PTPRD: variants seen among roughly 807,000 people sequenced by gnomAD.
PTPRD encodes protein tyrosine phosphatase receptor type D.
Under a neutral mutation model 214.5 loss-of-function variants are expected in PTPRD, and 34 were observed. The observed-to-expected ratio is 0.16, with a 90% confidence interval of 0.12 to 0.21. PTPRD has a LOEUF of 0.21. Ranked by LOEUF, PTPRD falls within the 10% of genes least tolerant of loss-of-function variation. The probability of loss-of-function intolerance (pLI) is 1.00; values close to 1 mark genes in which losing one functional copy is unlikely to be tolerated. For synonymous variants in PTPRD, 1,128 were observed against 845.7 expected, an observed-to-expected ratio of 1.33 and a Z score of -5.79; for missense variants, 2,545 against 2,398.7, an observed-to-expected ratio of 1.06 and a Z score of -1.27.
rs370819244 is a variant in PTPRD, at chr9:8,995,573, C to A, written c.-104+23124G>T. 1.2e-4 allele frequency among the ~76,000 whole-genome samples: 19 copies of A among 152,102 alleles called. No homozygotes were observed. The South Asian group carries it at 3.9e-3, about 32-fold the overall frequency. ...AGGATTTGACAACTCTCTCTACACC[C>A]TCTTGAATAAGCATTATTCAAGAGA... On this transcript the variant is annotated intron_variant, in intron 11 of 45. Transcript: ENST00000381196.
intron 6 of PTPRD, among the ~76,000 whole-genome samples, chr9:9,759,151 G>C (rs1019988248): frequency 6.6e-6 from 1 of 152,148 alleles, no homozygotes; most frequent in Non-Finnish European, 1.5e-5. Flanking sequence ...CAGGTCCCTA[G>C]CTCCTTTTTC....
Position 10,084,194 on chromosome 9 carries a change from G to T in PTPRD, c.-544-50404C>A, listed in dbSNP as rs1337869015. 3.3e-5 allele frequency among the ~76,000 whole-genome samples: 5 copies of T among 152,042 alleles called. No homozygotes were observed. The South Asian group carries it at 8.3e-4, about 25-fold the overall frequency. Reference sequence around the variant, plus strand: ...TAAGTGTTGTTTTGTTAGAAAAAATGATGAGTGATTATATGAGCTATAATA... The same window carrying T: ...TAAGTGTTGTTTTGTTAGAAAAAATTATGAGTGATTATATGAGCTATAATA... On this transcript the variant is annotated intron_variant, in intron 3 of 45. Transcript: ENST00000381196.
chr9:8,548,091 T>C (rs563356058), intron 14 of PTPRD, among the ~76,000 whole-genome samples: 9 of 152,272 alleles, frequency 5.9e-5, no homozygotes, highest in African/African-American at 2.2e-4. Flanking sequence ...AGAAGGTAGA[T>C]CTAAGAGCAT....
chr9:8,419,964 A>T (rs1002621938), intron 35 of PTPRD, among the ~76,000 whole-genome samples: 2 of 152,134 alleles, frequency 1.3e-5, no homozygotes, highest in South Asian at 2.1e-4. Flanking sequence ...CTAAGACACT[A>T]ACTGCCCTGA....
intron 3 of PTPRD, among the ~76,000 whole-genome samples, chr9:10,148,248 T>G (rs566536904): frequency 1.5e-4 from 23 of 152,350 alleles, no homozygotes; most frequent in African/African-American, 5.3e-4. Context: ...TCACAGATTG[T>G]GTATGTCTAT....
At chr9:9,312,404 T>C (rs1011930050) in intron 9 of PTPRD, among the ~76,000 whole-genome samples, 4 of 152,194 alleles carry the variant, frequency 2.6e-5, no homozygotes, top group African/African-American at 7.2e-5. Flanking sequence ...ACAGCATGTC[T>C]TTGAATAACA....
chr9:8,842,483 A>G (rs2097577847), intron 11 of PTPRD, among the ~76,000 whole-genome samples: 2 of 152,184 alleles, frequency 1.3e-5, no homozygotes, highest in Non-Finnish European at 2.9e-5. Flanking sequence ...CATTAGTAGA[A>G]CTACCTTTGG....
intron 11 of PTPRD, among the ~76,000 whole-genome samples, chr9:8,944,729 C>T (rs73425763): frequency 0.13 from 20,236 of 151,612 alleles, 1,833 homozygotes; most frequent in Non-Finnish European, 0.2. Flanking sequence ...GATAGGATGA[C>T]GGTTACCAGA....
intron 8 of PTPRD, among the ~76,000 whole-genome samples, chr9:9,467,807 C>T (rs899891541): frequency 8.6e-5 from 13 of 151,858 alleles, no homozygotes; most frequent in East Asian, 1.9e-4. Flanking sequence ...AATCAGTTTA[C>T]GTGGTTAATT....
At chr9:9,740,790 A>C (rs1399438741) in intron 6 of PTPRD, among the ~76,000 whole-genome samples, 1 of 152,220 alleles carries the variant, frequency 6.6e-6, no homozygotes, top group African/African-American at 2.4e-5. Context: ...GTTAAAGTAA[A>C]TTCTCGGGCT....
intron 11 of PTPRD, among the ~76,000 whole-genome samples, chr9:8,828,785 G>A (rs1423040894): frequency 6.6e-6 from 1 of 152,102 alleles, no homozygotes; most frequent in Non-Finnish European, 1.5e-5. Context: ...CTTTAACTTT[G>A]CAACAGAATA....
rs1425659780 is a variant in PTPRD at position 9,196,446 on chromosome 9, CTCT to C, written c.-202-13086_-202-13084del. Among the ~76,000 whole-genome samples the C allele has an allele frequency of 2.6e-5, 4 of 152,278 alleles. No individual in the cohort carries two copies. In the East Asian group the frequency reaches 7.7e-4, roughly 29 times the overall value. On this transcript the variant is annotated intron_variant, in intron 9 of 45. Transcript: ENST00000381196. Reference sequence around the variant, plus strand: ...CTTTTAATTTAATGGAGACACTCATCTCTTAAGGTACCAATGTTGTGTTCATAC... The same window carrying C: ...CTTTTAATTTAATGGAGACACTCATCTAAGGTACCAATGTTGTGTTCATAC...
rs140499740 is a variant in PTPRD at position 10,607,164 on chromosome 9, A to C, written c.-600+5234T>G. Reference sequence around the variant, plus strand: ...CATCTAATGTAAGTAAATGTATTTGAGAATATAGAGGTAAAATATTTTTGC... The same window carrying C: ...CATCTAATGTAAGTAAATGTATTTGCGAATATAGAGGTAAAATATTTTTGC... On this transcript the variant is annotated intron_variant, in intron 2 of 45. Transcript: ENST00000381196. Among the ~76,000 whole-genome samples, 48 of 152,042 alleles carry C rather than the reference A, an allele frequency of 3.2e-4. No individual in the cohort carries two copies. In the East Asian group the frequency reaches 5.6e-3, roughly 18 times the overall value.
intron 36 of PTPRD, among the ~76,000 whole-genome samples, chr9:8,402,961 T>C (rs1439947066): frequency 6.6e-6 from 1 of 152,070 alleles, no homozygotes; most frequent in Non-Finnish European, 1.5e-5. Context: ...CAAAGTAAAT[T>C]TATTATGAGA....
At chr9:10,561,707 G>A (rs2064019531) in intron 2 of PTPRD, among the ~76,000 whole-genome samples, 1 of 151,954 alleles carries the variant, frequency 6.6e-6, no homozygotes, top group African/African-American at 2.4e-5. Flanking sequence ...TCCTCAGAAG[G>A]TTTCACTTTT....
intron 11 of PTPRD, among the ~76,000 whole-genome samples, chr9:8,803,654 G>T (rs1469123034): frequency 6.6e-6 from 1 of 151,848 alleles, no homozygotes; most frequent in African/African-American, 2.4e-5. Flanking sequence ...AGTCTAAGAG[G>T]TGAAGCCTAC....
chr9:9,630,463 G>C (rs2154359081), intron 7 of PTPRD, among the ~76,000 whole-genome samples: 1 of 152,256 alleles, frequency 6.6e-6, no homozygotes, highest in African/African-American at 2.4e-5. Flanking sequence ...TACAGCACTA[G>C]CCTGAAGTGA....
At chr9:10,607,252 G>A (rs2079661391) in intron 2 of PTPRD, among the ~76,000 whole-genome samples, 1 of 151,578 alleles carries the variant, frequency 6.6e-6, no homozygotes, top group Non-Finnish European at 1.5e-5. Context: ...AAAATACATG[G>A]ACTCATTATT....
chr9:8,485,368 C>T, intron 28 of PTPRD, 44 bp from the exon 29 acceptor site: 1 of 1,388,154 alleles, frequency 7.2e-7, no homozygotes, highest in Non-Finnish European at 1.0e-6. Flanking sequence ...ATTCTTAAAA[C>T]AGATGACCTG....
Sources: gnomAD v4.1 joint callset for allele counts (sites outside exome capture counted in the v4.1 genomes callset) on GRCh38, gnomAD v4.1.1 for gene constraint, MANE v1.5 for transcripts, NCBI Gene and HGNC (gene_info 2026-07-23, HGNC 2026-07-21) for gene names.